Variants in MCC observed in about 807,000 individuals in gnomAD.
MCC encodes colorectal mutant cancer protein.
MCC carries 90 observed loss-of-function variants against 116.2 expected under a neutral mutation model. The observed-to-expected ratio is 0.77, with a 90% CI of 0.65 to 0.92. The LOEUF is 0.92. MCC is among the 40% of genes least tolerant of loss of function. The pLI is 0.00. For synonymous variants in MCC, 578 were observed against 510.5 expected, an observed-to-expected ratio of 1.13 and a Z score of -1.78; for missense variants, 1,516 against 1,312.2, an observed-to-expected ratio of 1.16 and a Z score of -2.40.
intron 1 of MCC, among the ~76,000 whole-genome samples, chr5:113,468,109 C>T (rs1230493215): frequency 6.6e-6 from 1 of 152,158 alleles, no homozygotes; most frequent in African/African-American, 2.4e-5. Context: ...TCTAGATATA[C>T]AATCATGTCA....
At chr5:113,389,776 A>G (rs927530367) in intron 1 of MCC, among the ~76,000 whole-genome samples, 9 of 152,316 alleles carry the variant, frequency 5.9e-5, no homozygotes, top group Middle Eastern at 3.4e-3. Context: ...TTTTGATGGA[A>G]TGATACTTAA....
chr5:113,417,605 T>C (rs1770191657), intron 1 of MCC, among the ~76,000 whole-genome samples: 1 of 152,200 alleles, frequency 6.6e-6, no homozygotes. Context: ...AAGTGCATTT[T>C]TCTAGATTTC....
intron 3 of MCC, among the ~76,000 whole-genome samples, chr5:113,231,756 T>C (rs1763947980): frequency 6.6e-6 from 1 of 152,198 alleles, no homozygotes; most frequent in South Asian, 2.1e-4. Flanking sequence ...CAAAAATATG[T>C]ATTGAACTTT....
At chr5:113,239,602 C>T in intron 3 of MCC, among the ~76,000 whole-genome samples, 1 of 152,072 alleles carries the variant, frequency 6.6e-6, no homozygotes, top group East Asian at 1.9e-4. Flanking sequence ...AGAAGGAACT[C>T]CGTAGTAATG....
intron 3 of MCC, among the ~76,000 whole-genome samples, chr5:113,284,884 GT>G (rs1766185655): frequency 6.6e-6 from 1 of 152,304 alleles, no homozygotes; most frequent in South Asian, 2.1e-4. Flanking sequence ...ATTCTAAATA[GT>G]TGAAGGAAAT....
chr5:113,282,694 T>C (rs1561504765), intron 3 of MCC, among the ~76,000 whole-genome samples: 1 of 152,190 alleles, frequency 6.6e-6, no homozygotes, highest in Non-Finnish European at 1.5e-5. Context: ...TCTGAACCAC[T>C]ACATTTCCTA....
chr5:113,138,757 A>G (rs574746103), intron 5 of MCC, among the ~76,000 whole-genome samples: 25 of 152,242 alleles, frequency 1.6e-4, no homozygotes, highest in Admixed American at 1.1e-3. Context: ...ATGTCTAGTA[A>G]TCTACCTAAG....
intron 17 of MCC, among the ~76,000 whole-genome samples, chr5:113,033,714 G>A (rs1371075752): frequency 3.3e-5 from 5 of 152,084 alleles, no homozygotes; most frequent in African/African-American, 4.8e-5. Context: ...CAGTAGTATT[G>A]GCACTCACAA....
At chr5:113,294,351 T>A in intron 3 of MCC, 1 of 1,609,138 alleles carries the variant, frequency 6.2e-7, no homozygotes, top group Non-Finnish European at 8.5e-7. Context: ...GGCCGAGGAG[T>A]CGTTTCCATA....
intron 5 of MCC, among the ~76,000 whole-genome samples, chr5:113,136,567 T>C (rs1472254628): frequency 2.0e-5 from 3 of 152,188 alleles, no homozygotes; most frequent in Admixed American, 6.5e-5. Flanking sequence ...AAGCAAGGAA[T>C]CAAAATTTAA....
intron 6 of MCC, among the ~76,000 whole-genome samples, chr5:113,108,462 G>C (rs1196043391): frequency 2.0e-5 from 3 of 150,974 alleles, no homozygotes; most frequent in East Asian, 3.9e-4. Context: ...AGACCAGCCT[G>C]ACCAACATAG....
chr5:113,464,778 C>A (rs1771849186), intron 1 of MCC, among the ~76,000 whole-genome samples: 1 of 125,430 alleles, frequency 8.0e-6, no homozygotes. Flanking sequence ...TTAATATATA[C>A]TATCAAATAG....
chr5:113,335,846 A>T (rs1182413181), intron 3 of MCC, among the ~76,000 whole-genome samples: 2 of 151,750 alleles, frequency 1.3e-5, no homozygotes, highest in East Asian at 3.8e-4. Flanking sequence ...GAAATCCAGA[A>T]GGAAGAAGTA....
chr5:113,071,067 G>A (rs369840362), intron 12 of MCC, 27 bp downstream of exon 12: 9 of 1,596,238 alleles, frequency 5.6e-6, no homozygotes, highest in African/African-American at 1.4e-5. Flanking sequence ...CCCTGAAGTA[G>A]CTCCAAACAT....
chr5:113,079,814 A>C (rs2150240783), intron 11 of MCC, among the ~76,000 whole-genome samples: 1 of 152,372 alleles, frequency 6.6e-6, no homozygotes, highest in Non-Finnish European at 1.5e-5. Context: ...AATGGGATCT[A>C]ATTAAACTAA....
intron 8 of MCC, among the ~76,000 whole-genome samples, chr5:113,098,823 C>G (rs1756211413): frequency 6.6e-6 from 1 of 152,236 alleles, no homozygotes; most frequent in South Asian, 2.1e-4. Flanking sequence ...AAGAAAGTGG[C>G]CCCAATTGCT....
chr5:113,403,435 T>C (rs1769747473), intron 1 of MCC, among the ~76,000 whole-genome samples: 2 of 152,162 alleles, frequency 1.3e-5, no homozygotes, highest in Non-Finnish European at 2.9e-5. Context: ...CTAACCACGA[T>C]CACATATTTA....
At chr5:113,039,709 GCGC>G (rs1751559163) in intron 17 of MCC, among the ~76,000 whole-genome samples, 8 of 102,870 alleles carry the variant, frequency 7.8e-5, no homozygotes, top group East Asian at 3.3e-4. Flanking sequence ...GTCCCACTCC[GCGC>G]CCCCCCCCCC....
At chr5:113,085,759 A>G (rs1755163310) in intron 8 of MCC, among the ~76,000 whole-genome samples, 1 of 152,114 alleles carries the variant, frequency 6.6e-6, no homozygotes, top group Non-Finnish European at 1.5e-5. Flanking sequence ...TGGTGCAACC[A>G]TGGCTCACTG....
Sources: gnomAD v4.1 joint callset for allele counts (sites outside exome capture counted in the v4.1 genomes callset) on GRCh38, gnomAD v4.1.1 for gene constraint, MANE v1.5 for transcripts, NCBI Gene and HGNC (gene_info 2026-07-23, HGNC 2026-07-21) for gene names.